Variants in TM7SF3 observed in about 807,000 individuals in gnomAD.
TM7SF3 encodes seven span transmembrane protein.
Under a neutral mutation model 65.5 loss-of-function variants are expected in TM7SF3, and 60 were observed. That is an observed-to-expected ratio of 0.92 (90% confidence interval 0.74 to 1.14). The LOEUF (loss-of-function observed/expected upper bound fraction) is 1.14. Ranked by LOEUF, TM7SF3 falls within the 50% of genes most tolerant of loss-of-function variation. TM7SF3 has a pLI of 0.00. For missense variants in TM7SF3, 623 were observed against 684.8 expected (o/e 0.91, Z 1.01); for synonymous variants, 264 against 259.6 (o/e 1.02, Z -0.16).
At chr12:27,013,940 T>G (rs1437083794) in intron 1 of TM7SF3, 138 bp downstream of exon 1, 3 of 754,668 alleles carry the variant, frequency 4.0e-6, no homozygotes, top group Non-Finnish European at 7.1e-6. Context: ...TCGTGCCGGT[T>G]CTGGACTCAC....
intron 5 of TM7SF3, among the ~76,000 whole-genome samples, chr12:26,991,138 GTTC>G (rs1940339125): frequency 7.7e-6 from 1 of 130,402 alleles, no homozygotes; most frequent in Admixed American, 7.7e-5. Context: ...TGTAGTAGTA[GTTC>G]TTTTTTTTTT....
chr12:27,009,002 C>A (rs1210049662), intron 1 of TM7SF3, among the ~76,000 whole-genome samples: 3 of 152,174 alleles, frequency 2.0e-5, no homozygotes, highest in Non-Finnish European at 4.4e-5. Flanking sequence ...TAAGTTTATA[C>A]AAATAAAATA....
intron 7 of TM7SF3, among the ~76,000 whole-genome samples, chr12:26,981,231 C>G (rs1318562254): frequency 1.3e-5 from 2 of 152,204 alleles, no homozygotes; most frequent in East Asian, 3.8e-4. Context: ...ATCATGGAGG[C>G]CATAGCTCTA....
chr12:27,014,251 G>T lies in TM7SF3; in HGVS notation c.-83C>A. ...GCCGGGGCCCCGCAGCCTCGCCCAC[G>T]CTATCCCGGGGCGCCCGCATCGGGC... On this transcript the variant is annotated 5_prime_UTR_variant, in exon 1 of 12. Transcript: ENST00000343028. 7.4e-7 allele frequency: 1 copy of T among 1,348,818 alleles called. No homozygotes were observed. The highest frequency in any genetic ancestry group is 9.9e-7 in the Non-Finnish European group (1 of 1,007,312). 83.6% of individuals were successfully genotyped at this position (1,348,818 alleles called of 1,614,324 possible).
At chr12:26,996,994 G>T in intron 3 of TM7SF3, 132 bp from the exon 4 acceptor site, 1 of 982,724 alleles carries the variant, frequency 1.0e-6, no homozygotes. Context: ...AGAGCTTCTA[G>T]TCGTATACTA....
chr12:26,985,907 G>A (rs536652725), intron 6 of TM7SF3, among the ~76,000 whole-genome samples: 15 of 126,818 alleles, frequency 1.2e-4, no homozygotes, highest in South Asian at 5.4e-4. Context: ...TCCGCCTCCC[G>A]GGTTCACACC....
Position 26,972,271 on chromosome 12 carries a change from A to C in TM7SF3, c.*1694T>G, listed in dbSNP as rs1026305327. ...CTGAATCCTTTTTGACTCCATTCTC[A>C]TCACTTTAAGGATGAAGCCTTTCTG... On this transcript the variant is annotated 3_prime_UTR_variant, in exon 12 of 12. Coordinates refer to ENST00000343028, the MANE Select transcript of TM7SF3 (RefSeq NM_016551.3). The C allele has an allele frequency of 4.6e-5, 7 of 152,220 alleles. No homozygotes were observed. Among genetic ancestry groups the C allele is most frequent in the Admixed American group, 1.3e-4 (2 of 15,278 alleles). 9.4% of individuals were successfully genotyped at this position (152,220 alleles called of 1,614,324 possible). A position where few individuals can be genotyped will look rare whatever the true frequency, so the allele number is the denominator to read the frequency against.
In TM7SF3 at chr12:26,990,434, A is replaced by G. The variant is rs369930003; in HGVS notation, c.868+16T>C. On this transcript the variant is annotated intron_variant, in intron 6 of 11. Coordinates refer to ENST00000343028, the MANE Select transcript of TM7SF3 (RefSeq NM_016551.3). Reference sequence around the variant, plus strand: ...GCCAAAGGAGAATTTGTAAAAGTTTAAAGCCACATACTCACCTAGGGAAGC... The same window carrying G: ...GCCAAAGGAGAATTTGTAAAAGTTTGAAGCCACATACTCACCTAGGGAAGC... 2.5e-6 allele frequency: 4 copies of G among 1,597,102 alleles called. No homozygotes were observed. Among genetic ancestry groups the G allele is most frequent in the Non-Finnish European group, 3.4e-6 (4 of 1,169,636 alleles).
chr12:27,000,748 C>T (rs886166926), intron 2 of TM7SF3, among the ~76,000 whole-genome samples: 1 of 152,180 alleles, frequency 6.6e-6, no homozygotes, highest in East Asian at 1.9e-4. Context: ...CGTGAGCCAC[C>T]GTGCCCGGCC....
intron 1 of TM7SF3, among the ~76,000 whole-genome samples, chr12:27,013,179 T>C (rs1468541744): frequency 1.3e-5 from 2 of 152,204 alleles, no homozygotes; most frequent in African/African-American, 2.4e-5. Flanking sequence ...TTACAGTTCA[T>C]TTATGGATGA....
chr12:26,995,145 G>GT, intron 5 of TM7SF3, 92 bp downstream of exon 5: 1 of 1,310,488 alleles, frequency 7.6e-7, no homozygotes, highest in South Asian at 1.4e-5. Context: ...GGAGAAAAGA[G>GT]TAAAGAAATA....
At chr12:26,996,153 T>TA (rs112843441) in intron 4 of TM7SF3, among the ~76,000 whole-genome samples, 1,836 of 143,284 alleles carry the variant, frequency 0.013, 16 homozygotes, top group African/African-American at 0.021. Flanking sequence ...ATCTTTGATT[T>TA]AAAAAAAAAA....
chr12:26,983,320 A>G (rs561838400), intron 6 of TM7SF3, among the ~76,000 whole-genome samples: 15 of 152,212 alleles, frequency 9.9e-5, no homozygotes, highest in African/African-American at 2.7e-4. Context: ...TATAGATCTC[A>G]TCTGCAACCT....
At chr12:27,001,769 C>T (rs927705238) in intron 2 of TM7SF3, among the ~76,000 whole-genome samples, 6 of 152,110 alleles carry the variant, frequency 3.9e-5, no homozygotes, top group African/African-American at 1.4e-4. Context: ...ACTAAGTCTC[C>T]TATGTAAGAG....
chr12:27,007,417 T>C lies in TM7SF3; in HGVS notation c.92-4027A>G, dbSNP rs928420599. The stretch of plus-strand genomic sequence containing the variant: ...TTTTAAGTGATTTTTTTTCTTTTCA[T>C]TACACATTTCTTTATTTCTTAAATT... On this transcript the variant is annotated intron_variant, in intron 1 of 11. Transcript: ENST00000343028. Among the ~76,000 whole-genome samples the C allele has an allele frequency of 4.6e-5, 7 of 152,282 alleles. No individual in the cohort carries two copies. In the South Asian group the frequency reaches 8.3e-4, roughly 18 times the overall value.
intron 1 of TM7SF3, among the ~76,000 whole-genome samples, chr12:27,008,888 TGA>T (rs1466591226): frequency 1.3e-5 from 2 of 152,164 alleles, no homozygotes; most frequent in African/African-American, 4.8e-5. Flanking sequence ...GGCCTGAAGA[TGA>T]GAAATTACTT....
intron 4 of TM7SF3, 68 bp downstream of exon 4, chr12:26,996,674 G>A (rs1044380648): frequency 3.3e-6 from 5 of 1,504,906 alleles, no homozygotes; most frequent in Admixed American, 4.7e-5. Flanking sequence ...GAGAGAGCTG[G>A]TCAAATCTAC....
chr12:27,013,979 C>G, intron 1 of TM7SF3, 99 bp downstream of exon 1: 1 of 1,023,712 alleles, frequency 9.8e-7, no homozygotes, highest in South Asian at 1.4e-5. Flanking sequence ...GCCCCCAGCA[C>G]CATCTCCCTG....
intron 6 of TM7SF3, among the ~76,000 whole-genome samples, chr12:26,988,672 T>TTGTGTGTG (rs147021582): frequency 0.064 from 9,310 of 146,222 alleles, 385 homozygotes; most frequent in East Asian, 0.19. Context: ...GAGAAGAAAA[T>TTGTGTGTG]TGTGTGTGTG....
Sources: allele counts gnomAD v4.1 joint callset (sites outside exome capture counted in the v4.1 genomes callset), GRCh38; gene constraint gnomAD v4.1.1; transcripts MANE v1.5; gene names NCBI Gene and HGNC (gene_info 2026-07-23, HGNC 2026-07-21).